The following NBEAL1 variants were observed in gnomAD, a reference collection of about 807,000 sequenced individuals.
The protein encoded by NBEAL1 is neurobeachin like 1.
NBEAL1 carries 273 observed loss-of-function variants against 351.3 expected under a neutral mutation model. That is an observed-to-expected ratio of 0.78 (90% CI 0.70 to 0.86). The LOEUF (loss-of-function observed/expected upper bound fraction) is 0.86. Among genes scored for constraint, NBEAL1 ranks in the 40% least tolerant of loss-of-function variants. NBEAL1 has a pLI of 0.00. For synonymous variants in NBEAL1, 1,050 were observed against 1,086.4 expected (o/e 0.97, Z 0.66); for missense variants, 2,961 against 3,201.3 (o/e 0.92, Z 1.81).
intron 2 of NBEAL1, among the ~76,000 whole-genome samples, chr2:203,035,445 A>T (rs2061027322): frequency 6.7e-6 from 1 of 149,536 alleles, no homozygotes; most frequent in African/African-American, 2.4e-5. Context: ...GGACGATTGG[A>T]TGAATATTTA....
chr2:203,175,709 G>A (rs1265061719), intron 42 of NBEAL1, among the ~76,000 whole-genome samples: 1 of 152,128 alleles, frequency 6.6e-6, no homozygotes, highest in African/African-American at 2.4e-5. Context: ...TGATACCACT[G>A]TATTTACACT....
rs1055436176 is a variant in NBEAL1 at position 203,136,531 on chromosome 2, G to A, written c.4390-68G>A. ...AATGATTACAATGAGTATATGTAAT[G>A]GTTCTTATGATGTGCTTTGAACAAC... On this transcript the variant is annotated intron_variant, in intron 28 of 55. Coordinates refer to ENST00000683969, the MANE Select transcript of NBEAL1 (RefSeq NM_001378026.1). The A allele has an allele frequency of 1.4e-5, 16 of 1,154,506 alleles. No homozygotes were observed. The Admixed American group carries it at 1.8e-4, about 13-fold the overall frequency. 71.5% of individuals were successfully genotyped at this position (1,154,506 alleles called of 1,614,324 possible).
chr2:203,044,712 G>T (rs1403034419), intron 3 of NBEAL1, among the ~76,000 whole-genome samples: 1 of 152,106 alleles, frequency 6.6e-6, no homozygotes, highest in African/African-American at 2.4e-5. Flanking sequence ...TACATGCTAC[G>T]TACAAGATAT....
chr2:203,188,622 C>A, intron 45 of NBEAL1, 33 bp downstream of exon 45: 2 of 1,232,098 alleles, frequency 1.6e-6, no homozygotes, highest in Non-Finnish European at 2.3e-6. Flanking sequence ...TCTTGCTTTA[C>A]CTTGATAGAA....
chr2:203,213,711 C>T, intron 55 of NBEAL1, 58 bp downstream of exon 55: 20 of 1,600,660 alleles, frequency 1.2e-5, no homozygotes, highest in Non-Finnish European at 1.7e-5. Context: ...CTTTGGTTCT[C>T]CTTCATTCCA....
Position 203,223,543 on chromosome 2 carries a change from TTGTAA to T in NBEAL1, c.*6195_*6199del, listed in dbSNP as rs1383014764. Among the ~76,000 whole-genome samples the T allele has an allele frequency of 6.6e-6, 1 of 152,038 alleles. No homozygotes were observed. The highest frequency in any genetic ancestry group is 1.5e-5 in the Non-Finnish European group (1 of 67,928). On this transcript the variant is annotated 3_prime_UTR_variant, in exon 56 of 56. Transcript: ENST00000683969. Reference sequence around the variant, plus strand: ...CTTGTAATGCTGTTACAATGTAGCATTGTAATGTAAGATGAAGAAAAATTAGGATT... The same window carrying T: ...CTTGTAATGCTGTTACAATGTAGCATTGTAAGATGAAGAAAAATTAGGATT...
intron 30 of NBEAL1, 140 bp downstream of exon 30, chr2:203,138,455 G>T: frequency 2.0e-6 from 2 of 1,021,192 alleles, no homozygotes; most frequent in Non-Finnish European, 2.8e-6. Flanking sequence ...AATAGTCACA[G>T]ATTTTTGTTA....
chr2:203,211,284 AAT>A (rs1160971163), intron 54 of NBEAL1, among the ~76,000 whole-genome samples, 178 bp downstream of exon 54: 2 of 152,034 alleles, frequency 1.3e-5, no homozygotes, highest in African/African-American at 4.8e-5. Context: ...TCATAAAGGA[AAT>A]ATATATATAC....
rs2064363928 is a variant in NBEAL1, at chr2:203,172,765, T to G, written c.6235T>G (p.Leu2079Val). Residue 2079 changes from leucine (L) to valine (V), a missense_variant, in exon 41 of 56, where the codon TTG becomes GTG. Transcript: ENST00000683969. The part of the protein sequence containing the change: ...WILQDYTSEE[L>V]DLNNPAVFRD... ...TTTACAAGATTATACTTCGGAAGAG[T>G]TGGACCTTAATAACCCTGCTGTATT... 1.9e-6 allele frequency: 3 copies of G among 1,612,246 alleles called. No individual in the cohort carries two copies. In the East Asian group the frequency reaches 6.7e-5, roughly 36 times the overall value.
Position 203,217,391 on chromosome 2 carries a change from T to C in NBEAL1, c.*37T>C, listed in dbSNP as rs2065908712. On this transcript the variant is annotated 3_prime_UTR_variant, in exon 56 of 56. Transcript: ENST00000683969. ...ATTTTCTGTTATGATTACTGAAACC[T>C]GATTTATTGCTTTGTCACTTTAACC... is the stretch of plus-strand genomic sequence containing the variant. The C allele has an allele frequency of 6.5e-7, 1 of 1,532,706 alleles. No individual in the cohort carries two copies. The highest frequency in any genetic ancestry group is 1.4e-5 in the African/African-American group (1 of 72,180). The allele number at this position is 1,532,706 out of a possible 1,614,324, so 94.9% of individuals were successfully genotyped here. A position where few individuals can be genotyped will look rare whatever the true frequency, so the allele number is the denominator to read the frequency against.
chr2:203,076,539 G>T (rs2061777193), intron 7 of NBEAL1, among the ~76,000 whole-genome samples: 1 of 143,552 alleles, frequency 7.0e-6, no homozygotes, highest in East Asian at 2.0e-4. Flanking sequence ...AATGTATTAA[G>T]TTAAAAAGCA....
chr2:203,199,118 G>T (rs1050729798), intron 48 of NBEAL1, among the ~76,000 whole-genome samples: 2 of 152,138 alleles, frequency 1.3e-5, no homozygotes, highest in South Asian at 4.1e-4. Flanking sequence ...CTCCAGCCTG[G>T]GCAACAGAGT....
chr2:203,103,831 C>G (rs2062378871), intron 12 of NBEAL1, among the ~76,000 whole-genome samples: 1 of 152,082 alleles, frequency 6.6e-6, no homozygotes, highest in African/African-American at 2.4e-5. Flanking sequence ...CAAATAATTT[C>G]TTTATTTCTG....
At chr2:203,090,906 G>T (rs2062051427) in intron 10 of NBEAL1, among the ~76,000 whole-genome samples, 1 of 149,116 alleles carries the variant, frequency 6.7e-6, no homozygotes, top group South Asian at 2.2e-4. Context: ...GAAAAGAAAA[G>T]AAGGAAAGGA....
rs752323067 is a variant in NBEAL1, at chr2:203,197,407, C to T, written c.7128+16C>T. 4 of 1,473,542 alleles carry T rather than the reference C, an allele frequency of 2.7e-6. No homozygotes were observed. Among genetic ancestry groups the T allele is most frequent in the East Asian group, 2.3e-5 (1 of 44,130 alleles). The allele number at this position is 1,473,542 out of a possible 1,614,324, so 91.3% of individuals were successfully genotyped here. ...TGAGTTACTGGTAAGTTGATTTTTA[C>T]CTTTTTCACACTGCTATGCCTATAT... On this transcript the variant is annotated intron_variant, in intron 48 of 55. Coordinates refer to ENST00000683969, the MANE Select transcript of NBEAL1 (RefSeq NM_001378026.1).
chr2:203,148,846 G>A (rs2063575382), intron 33 of NBEAL1, 145 bp from the exon 34 acceptor site: 1 of 500,316 alleles, frequency 2.0e-6, no homozygotes, highest in African/African-American at 2.0e-5. Context: ...TGATTCTAAT[G>A]GAATAAGAAA....
chr2:203,210,839 A>G lies in NBEAL1; in HGVS notation c.7786-119A>G, dbSNP rs369671533. On this transcript the variant is annotated intron_variant, in intron 53 of 55. Transcript: ENST00000683969. ...ACACACTTGGTCTTTAAATATAGCC[A>G]TATTTTTATCCTAAAATGTTAAGCC... is the stretch of plus-strand genomic sequence containing the variant. 1.2e-4 allele frequency: 64 copies of G among 525,060 alleles called. No individual in the cohort carries two copies. The East Asian group carries it at 1.9e-3, about 15-fold the overall frequency. The allele number at this position is 525,060 out of a possible 1,614,324, so 32.5% of individuals were successfully genotyped here.
intron 34 of NBEAL1, among the ~76,000 whole-genome samples, chr2:203,150,906 A>G (rs2063634105): frequency 6.6e-6 from 1 of 152,220 alleles, no homozygotes; most frequent in Non-Finnish European, 1.5e-5. Context: ...TGTAAACCTC[A>G]TGTCATCTTG....
Position 203,113,266 on chromosome 2 carries a change from C to T in NBEAL1, c.2454C>T (p.Ile818=). 1 of 1,486,546 alleles carries T rather than the reference C, an allele frequency of 6.7e-7. No homozygotes were observed. 92.1% of individuals were successfully genotyped at this position (1,486,546 alleles called of 1,614,324 possible). A position where few individuals can be genotyped will look rare whatever the true frequency, so the allele number is the denominator to read the frequency against. ...TGGAGGGTCAGCTAGGATCTGTTAT[C>T]ATCTTTTATGAACCACTACAACCTC... ...TSLEGQLGSV[I]IFYEPLQPPQ... Residue 818 remains isoleucine (I), a synonymous_variant, in exon 17 of 56, where the codon ATC becomes ATT. Coordinates refer to ENST00000683969, the MANE Select transcript of NBEAL1 (RefSeq NM_001378026.1).
Sources: allele counts gnomAD v4.1 joint callset (sites outside exome capture counted in the v4.1 genomes callset), GRCh38; gene constraint gnomAD v4.1.1; transcripts MANE v1.5; gene names NCBI Gene and HGNC (gene_info 2026-07-23, HGNC 2026-07-21).